Variants in TDRD1 observed in about 807,000 individuals in gnomAD.
The protein encoded by TDRD1 is tudor domain-containing protein 1.
In TDRD1, 37 loss-of-function variants were observed where a neutral mutation model predicts 140.6. The ratio of observed to expected loss-of-function variants is 0.26; its 90% CI spans 0.20 to 0.35. The LOEUF is 0.35. Ranked by LOEUF, TDRD1 falls within the 10% of genes least tolerant of loss-of-function variation. The probability of loss-of-function intolerance (pLI) is 1.00; values close to 1 mark genes in which losing one functional copy is unlikely to be tolerated. For synonymous variants in TDRD1, 506 were observed against 475.7 expected (o/e 1.06, Z -0.83); for missense variants, 1,243 against 1,393.0 (o/e 0.89, Z 1.71).
chr10:114,219,201 T>C (rs995018633), intron 18 of TDRD1, among the ~76,000 whole-genome samples: 1 of 152,190 alleles, frequency 6.6e-6, no homozygotes, highest in Non-Finnish European at 1.5e-5. Context: ...AAGAGTGTTG[T>C]GATAAAGACA....
At chr10:114,204,842 T>C (rs1288801123) in exon 10 of TDRD1, 1 of 1,597,210 alleles carries the variant, frequency 6.3e-7, no homozygotes, top group African/African-American at 1.3e-5. Flanking sequence ...TGTCGACATC[T>C]TGGAAGAGGA....
chr10:114,187,927 AAAC>A (rs772373373), exon 2 of TDRD1: 9 of 1,613,382 alleles, frequency 5.6e-6, no homozygotes, highest in Non-Finnish European at 7.6e-6. Context: ...AGAAAAATGA[AAAC>A]AAGCTTCCAC....
intron 2 of TDRD1, among the ~76,000 whole-genome samples, chr10:114,190,533 G>A (rs1181193814): frequency 2.6e-5 from 4 of 152,084 alleles, no homozygotes; most frequent in African/African-American, 4.8e-5. Context: ...TGTTGTCCGG[G>A]CTGGAATGCA....
intron 1 of TDRD1, among the ~76,000 whole-genome samples, chr10:114,186,068 T>G (rs1316298639): frequency 6.6e-6 from 1 of 152,232 alleles, no homozygotes; most frequent in Non-Finnish European, 1.5e-5. Context: ...TGGGCTTGAT[T>G]CTGTGATCTT....
intron 5 of TDRD1, among the ~76,000 whole-genome samples, 196 bp downstream of exon 5, chr10:114,201,711 T>A (rs748363457): frequency 1.4e-4 from 21 of 152,236 alleles, no homozygotes; most frequent in Non-Finnish European, 3.1e-4. Flanking sequence ...GTAGTACATG[T>A]GAAGATTTAT....
chr10:114,205,361 G>A (rs1332837292), intron 10 of TDRD1, among the ~76,000 whole-genome samples: 1 of 152,202 alleles, frequency 6.6e-6, no homozygotes, highest in East Asian at 1.9e-4. Context: ...TGTGATGGGT[G>A]CCTCCCAGTT....
At chr10:114,187,570 A>G (rs988094574) in intron 1 of TDRD1, among the ~76,000 whole-genome samples, 21 of 152,200 alleles carry the variant, frequency 1.4e-4, no homozygotes, top group Admixed American at 2.0e-4. Flanking sequence ...AAAGTAAGGA[A>G]TGGTGTTGAA....
At chr10:114,187,539 G>T (rs1475898063) in intron 1 of TDRD1, among the ~76,000 whole-genome samples, 4 of 152,188 alleles carry the variant, frequency 2.6e-5, no homozygotes, top group Admixed American at 6.5e-5. Context: ...TTTTCAATTA[G>T]TGTTGCCTCA....
rs1191595417 is a variant in TDRD1 at position 114,217,022 on chromosome 10, GC to G, written c.2213-520del. 2.6e-5 allele frequency among the ~76,000 whole-genome samples: 4 copies of G among 152,296 alleles called. No individual in the cohort carries two copies. The East Asian group carries it at 7.7e-4, about 29-fold the overall frequency. ...CACTTCTGCGCTTCGCTAGCCTGCT[GC>G]CCACTTTTGGTTGCCTAATTTCATA... is the stretch of plus-strand genomic sequence containing the variant. On this transcript the variant is annotated intron_variant, in intron 16 of 25. Transcript: ENST00000251864.
At chr10:114,229,916 C>A (rs538130558) in intron 25 of TDRD1, among the ~76,000 whole-genome samples, 2 of 151,710 alleles carry the variant, frequency 1.3e-5, no homozygotes, top group Non-Finnish European at 2.9e-5. Context: ...CTACAACCTC[C>A]GCCTCCCGGG....
chr10:114,181,806 GCTGCACTCCATT>G (rs2033090439), intron 1 of TDRD1, among the ~76,000 whole-genome samples: 1 of 149,338 alleles, frequency 6.7e-6, no homozygotes, highest in Non-Finnish European at 1.5e-5. Context: ...AGATCATGCC[GCTGCACTCCATT>G]CTGGGCGATG....
Position 114,191,113 on chromosome 10 carries a change from A to G in TDRD1, c.384+94A>G. 4 of 1,313,502 alleles carry G rather than the reference A, an allele frequency of 3.0e-6. No homozygotes were observed. The Middle Eastern group carries it at 6.4e-4, about 212-fold the overall frequency. The allele number at this position is 1,313,502 out of a possible 1,614,324, so 81.4% of individuals were successfully genotyped here. A position where few individuals can be genotyped will look rare whatever the true frequency, so the allele number is the denominator to read the frequency against. ...AAGAAGTGTTCAATTTGTAGGTATC[A>G]TTCAAGATCAAATGTTTTTTCTTTT... is the stretch of plus-strand genomic sequence containing the variant. On this transcript the variant is annotated intron_variant, in intron 3 of 25. Transcript: ENST00000251864.
intron 2 of TDRD1, among the ~76,000 whole-genome samples, chr10:114,188,870 C>G (rs370996861): frequency 2.5e-5 from 1 of 39,926 alleles, no homozygotes; most frequent in South Asian, 9.0e-4. Flanking sequence ...CAAAATAAAA[C>G]AAAATGAAAA....
chr10:114,193,916 G>A (rs2034164840), intron 3 of TDRD1, among the ~76,000 whole-genome samples: 1 of 152,180 alleles, frequency 6.6e-6, no homozygotes, highest in Admixed American at 6.5e-5. Flanking sequence ...ATAAGTAGGT[G>A]TTGAATTTTG....
At chr10:114,219,294 A>G (rs569828530) in intron 18 of TDRD1, among the ~76,000 whole-genome samples, 1 of 152,320 alleles carries the variant, frequency 6.6e-6, no homozygotes, top group African/African-American at 2.4e-5. Flanking sequence ...CTGTTTCCTC[A>G]TCTGGAAATT....
upstream of TDRD1, among the ~76,000 whole-genome samples, chr10:114,176,291 A>G (rs1468577825): frequency 2.4e-5 from 3 of 123,730 alleles, no homozygotes; most frequent in Non-Finnish European, 5.5e-5. The surrounding 1 kb of genome is among the most constrained non-coding windows in gnomAD (Gnocchi z 4.2). Context: ...AATTGAATGG[A>G]AAAAAAAAAA....
chr10:114,229,586 T>A (rs1162055324), intron 25 of TDRD1, among the ~76,000 whole-genome samples: 4 of 147,870 alleles, frequency 2.7e-5, no homozygotes. Context: ...TCTTGCTCTG[T>A]CACCCAGGCT....
intron 21 of TDRD1, among the ~76,000 whole-genome samples, chr10:114,224,076 G>A (rs1485190705): frequency 6.6e-6 from 1 of 152,148 alleles, no homozygotes; most frequent in Non-Finnish European, 1.5e-5. Flanking sequence ...ATTTACTCCA[G>A]TATTTGGGTG....
chr10:114,220,695 C>T (rs748452799), exon 19 of TDRD1: 8 of 1,613,772 alleles, frequency 5.0e-6, no homozygotes, highest in East Asian at 2.2e-5. Context: ...TTGAACTCAC[C>T]GATCTCTCCA....
Sources: allele counts gnomAD v4.1 joint callset (sites outside exome capture counted in the v4.1 genomes callset), GRCh38; gene constraint gnomAD v4.1.1; non-coding constraint Gnocchi (gnomAD v3.1); transcripts MANE v1.5; gene names NCBI Gene and HGNC (gene_info 2026-07-23, HGNC 2026-07-21).